CDK19: variants seen among roughly 807,000 people sequenced by gnomAD.
CDK19 encodes cyclin dependent kinase 19, also known as cyclin-dependent kinase 19.
CDK19 carries 20 observed loss-of-function variants against 68.3 expected under a neutral mutation model. That is an observed-to-expected ratio of 0.29 (90% CI 0.21 to 0.43). The LOEUF (loss-of-function observed/expected upper bound fraction) is 0.43, where lower values mean the gene tolerates loss of function less well. CDK19 is among the 20% of genes least tolerant of loss of function. The pLI is 1.00. For synonymous variants in CDK19, 221 were observed against 222.8 expected, an observed-to-expected ratio of 0.99 and a Z score of 0.07; for missense variants, 339 against 623.5, an observed-to-expected ratio of 0.54 and a Z score of 4.86.
intron 9 of CDK19, 49 bp downstream of exon 9, chr6:110,623,241 C>T (rs766801342): frequency 3.2e-5 from 47 of 1,466,202 alleles, no homozygotes; most frequent in Middle Eastern, 1.7e-4. Flanking sequence ...AAATAGAAGG[C>T]GAGATTTGTG....
chr6:110,675,582 G>A (rs560795087), intron 2 of CDK19, among the ~76,000 whole-genome samples: 15 of 145,028 alleles, frequency 1.0e-4, no homozygotes, highest in African/African-American at 3.8e-4. Context: ...AGCCAAGATC[G>A]TGCCATTGCA....
chr6:110,623,263 A>C, intron 9 of CDK19, 27 bp downstream of exon 9: 1 of 1,593,474 alleles, frequency 6.3e-7, no homozygotes, highest in Non-Finnish European at 8.6e-7. Context: ...TGAGAATCAG[A>C]TTTTAGTCTG....
At position 110,643,320 on chromosome 6, in the gene CDK19, A is replaced by G. The variant is rs148658637; in HGVS notation, c.457-4614T>C. Reference sequence around the variant, plus strand: ...CTAAAGGTAAGAACCATAAAAGCTGAAAGTAAAAGGCAAACTGCCAAAGGA... The same window carrying G: ...CTAAAGGTAAGAACCATAAAAGCTGGAAGTAAAAGGCAAACTGCCAAAGGA... On this transcript the variant is annotated intron_variant, in intron 4 of 12. Coordinates refer to ENST00000368911, the MANE Select transcript of CDK19 (RefSeq NM_015076.5). 2.3e-4 allele frequency: 133 copies of G among 585,044 alleles called. No homozygotes were observed. In the African/African-American group the frequency reaches 2.4e-3, roughly 10 times the overall value. The allele number at this position is 585,044 out of a possible 1,614,324, so 36.2% of individuals were successfully genotyped here.
rs76318233 is a variant in CDK19 at position 110,814,638 on chromosome 6, G to C, written c.128+371C>G. The C allele has an allele frequency of 2.8e-3, 1,332 of 483,424 alleles. 17 individuals are homozygous for C. The East Asian group carries it at 0.029, about 11-fold the overall frequency. 29.9% of individuals were successfully genotyped at this position (483,424 alleles called of 1,614,324 possible). On this transcript the variant is annotated intron_variant, in intron 1 of 12. Transcript: ENST00000368911. ...GACCGTCACTACCCAGGGCCGGAGC[G>C]GCAACTCCGCAGCGGAGCTCTGCCT...
At position 110,667,515 on chromosome 6, in the gene CDK19, T is replaced by C; in HGVS notation, c.375A>G (p.Arg125=). ...KANKKPMQLP[R]SMVKSLLYQI... ...GGTAAAGTAAGGATTTAACCATAGA[T>C]CTTGGCAACTGCATGGGCTTTTTAT... The change falls in exon 4 of 13, where the codon AGA becomes AGG. Residue 125 remains arginine, a synonymous_variant. Coordinates refer to ENST00000368911, the MANE Select transcript of CDK19 (RefSeq NM_015076.5). 2 of 1,593,570 alleles carry C rather than the reference T, an allele frequency of 1.3e-6. No homozygotes were observed. The highest frequency in any genetic ancestry group is 1.7e-6 in the Non-Finnish European group (2 of 1,166,082).
intron 1 of CDK19, among the ~76,000 whole-genome samples, chr6:110,795,491 A>C (rs1781876363): frequency 6.6e-6 from 1 of 152,210 alleles, no homozygotes; most frequent in Admixed American, 6.5e-5. Flanking sequence ...AACCATTTCA[A>C]CTGTCAAATT....
chr6:110,683,448 C>T (rs1161250887), intron 2 of CDK19, among the ~76,000 whole-genome samples: 1 of 152,036 alleles, frequency 6.6e-6, no homozygotes, highest in Non-Finnish European at 1.5e-5. Context: ...TTGGAAAATG[C>T]CACAGCATTT....
intron 1 of CDK19, among the ~76,000 whole-genome samples, chr6:110,766,326 G>C (rs1215482932): frequency 6.6e-6 from 1 of 152,080 alleles, no homozygotes; most frequent in Non-Finnish European, 1.5e-5. Context: ...TGTAATCCCA[G>C]CACTTTGGGA....
chr6:110,665,370 T>TA (rs1241764638), intron 4 of CDK19, among the ~76,000 whole-genome samples: 1 of 152,006 alleles, frequency 6.6e-6, no homozygotes, highest in Non-Finnish European at 1.5e-5. Flanking sequence ...AGAGGTAAAA[T>TA]AAATTTCTAG....
chr6:110,678,022 T>A (rs2114496083), intron 2 of CDK19, among the ~76,000 whole-genome samples: 1 of 152,220 alleles, frequency 6.6e-6, no homozygotes, highest in East Asian at 1.9e-4. Flanking sequence ...GATTTTTTTA[T>A]TTTTTTGTAG....
intron 2 of CDK19, among the ~76,000 whole-genome samples, chr6:110,691,065 GTTAA>G (rs1772938772): frequency 6.6e-6 from 1 of 151,958 alleles, no homozygotes; most frequent in Non-Finnish European, 1.5e-5. Flanking sequence ...AATCCAAAAG[GTTAA>G]TTATTAAGCC....
chr6:110,646,096 A>C lies in CDK19; in HGVS notation c.457-7390T>G, dbSNP rs1265553741. ...GACCTGCTGCAGTTTGTGGCTAAGC[A>C]AGGCACCTCCTTCGAGGTGATTCTC... On this transcript the variant is annotated intron_variant, in intron 4 of 12. Transcript: ENST00000368911. 4.6e-6 allele frequency: 4 copies of C among 870,830 alleles called. No homozygotes were observed. The African/African-American group carries it at 5.0e-5, about 11-fold the overall frequency. The allele number at this position is 870,830 out of a possible 1,614,324, so 53.9% of individuals were successfully genotyped here.
At chr6:110,742,941 C>T in intron 2 of CDK19, among the ~76,000 whole-genome samples, 1 of 152,036 alleles carries the variant, frequency 6.6e-6, no homozygotes, top group Non-Finnish European at 1.5e-5. Context: ...ATGTATACCC[C>T]CTCCCCTTTT....
At chr6:110,808,237 C>T (rs557169328) in intron 1 of CDK19, among the ~76,000 whole-genome samples, 2 of 152,268 alleles carry the variant, frequency 1.3e-5, no homozygotes, top group East Asian at 1.9e-4. Flanking sequence ...TTCCAGTAAT[C>T]GATACCTATG....
At chr6:110,734,718 A>G (rs1419000405) in intron 2 of CDK19, among the ~76,000 whole-genome samples, 1 of 152,082 alleles carries the variant, frequency 6.6e-6, no homozygotes, top group Non-Finnish European at 1.5e-5. Context: ...ATGCTTCTCC[A>G]GCACACTGTG....
intron 1 of CDK19, among the ~76,000 whole-genome samples, chr6:110,759,423 A>ATATAT (rs1287081298): frequency 5.9e-5 from 7 of 119,008 alleles, no homozygotes; most frequent in African/African-American, 1.8e-4. Flanking sequence ...AAAAAAAAAA[A>ATATAT]AAAAAATATA....
chr6:110,630,758 C>A (rs938857995), intron 6 of CDK19, among the ~76,000 whole-genome samples: 2 of 152,202 alleles, frequency 1.3e-5, no homozygotes, highest in Non-Finnish European at 2.9e-5. Context: ...TCTCTACTGT[C>A]AAACACATAC....
intron 4 of CDK19, among the ~76,000 whole-genome samples, chr6:110,639,535 A>C (rs1779994261): frequency 6.6e-6 from 1 of 152,172 alleles, no homozygotes; most frequent in Admixed American, 6.5e-5. Flanking sequence ...CAAGTTCCTA[A>C]CCTCCAGACG....
At chr6:110,702,977 T>G (rs1774137446) in intron 2 of CDK19, among the ~76,000 whole-genome samples, 1 of 152,232 alleles carries the variant, frequency 6.6e-6, no homozygotes, top group Admixed American at 6.5e-5. Flanking sequence ...ATTTCTGAAA[T>G]GTCAACAGGA....
Sources: gnomAD v4.1 joint callset for allele counts (sites outside exome capture counted in the v4.1 genomes callset) on GRCh38, gnomAD v4.1.1 for gene constraint, MANE v1.5 for transcripts, NCBI Gene and HGNC (gene_info 2026-07-23, HGNC 2026-07-21) for gene names.